Variants in FSIP2 observed in about 807,000 individuals in gnomAD.
FSIP2 encodes fibrous sheath interacting protein 2.
A neutral mutation model predicts 510.5 loss-of-function variants in FSIP2; 367 were observed. That is an observed-to-expected ratio of 0.72 (90% CI 0.66 to 0.78). FSIP2 has a LOEUF of 0.78. FSIP2 is among the 30% of genes least tolerant of loss of function. The probability of loss-of-function intolerance (pLI) is 0.00; values close to 1 mark genes in which losing one functional copy is unlikely to be tolerated. For synonymous variants in FSIP2, 2,601 were observed against 2,732.2 expected, an observed-to-expected ratio of 0.95 and a Z score of 1.50; for missense variants, 7,594 against 7,901.7, an observed-to-expected ratio of 0.96 and a Z score of 1.48.
Position 185,796,410 on chromosome 2 carries a change from G to T in FSIP2, c.9274G>T (p.Val3092Leu). ...TAATATCATCAGTGACATGCTTGCT[G>T]TAATTAAGAACAAGCTAGACAACGA... ...AVNIISDMLA[V>L]IKNKLDNEIS... is the part of the protein sequence containing the mutation. Residue 3092 changes from valine (V) to leucine (L), a missense_variant, in exon 16 of 23, where the codon GTA becomes TTA. Transcript: ENST00000424728. The T allele has an allele frequency of 6.5e-7, 1 of 1,533,780 alleles. No individual in the cohort carries two copies. Among genetic ancestry groups the T allele is most frequent in the South Asian group, 1.2e-5 (1 of 83,944 alleles).
rs1017484100 is a variant in FSIP2, at chr2:185,789,247, CTG to C, written c.2112_2113del (p.Glu705SerfsTer13). 10 of 1,534,354 alleles carry C rather than the reference CTG, an allele frequency of 6.5e-6. No individual in the cohort carries two copies. The African/African-American group carries it at 8.2e-5, about 13-fold the overall frequency. ...TTTAAATGTTACTTGAAAGGGGAAA[CTG>C]AAGTGATTTTAGAAAGCATTTTGCG... is the stretch of plus-strand genomic sequence containing the variant. On this transcript the variant is annotated frameshift_variant, in exon 16 of 23. Transcript: ENST00000424728. LOFTEE classifies it high-confidence loss of function.
At position 185,796,715 on chromosome 2, in the gene FSIP2, T is replaced by C; in HGVS notation, c.9579T>C (p.Asp3193=). The C allele has an allele frequency of 6.5e-7, 1 of 1,535,114 alleles. No homozygotes were observed. Among genetic ancestry groups the C allele is most frequent in the Non-Finnish European group, 8.7e-7 (1 of 1,146,258 alleles). Residue 3193 remains aspartate, a synonymous_variant, in exon 16 of 23, where the codon GAT becomes GAC. Coordinates refer to ENST00000424728, the MANE Select transcript of FSIP2 (RefSeq NM_173651.4). ...VSKTGFVFCS[D]EDMKEKYRVS... ...AAACTGGGTTTGTGTTTTGTTCAGA[T>C]GAAGATATGAAAGAAAAGTACAGGG...
In FSIP2 at chr2:185,807,932, T is replaced by C. The variant is rs372823647; in HGVS notation, c.18626T>C (p.Met6209Thr). 2.0e-5 allele frequency: 32 copies of C among 1,604,072 alleles called. No homozygotes were observed. The African/African-American group carries it at 2.7e-4, about 14-fold the overall frequency. ...AGAACAAAATCTCTAGAGACTGATA[T>C]GCAAAAAATAACTTCAAAAGTACTA... ...KERTKSLETD[M>T]QKITSKVLNS... The change falls in exon 17 of 23, where the codon ATG (methionine) becomes ACG (threonine). Residue 6209 changes from methionine to threonine, a missense_variant. Transcript: ENST00000424728.
At position 185,738,952 on chromosome 2, in the gene FSIP2, G is replaced by A; in HGVS notation, c.58G>A (p.Val20Ile). ...KPAKVAVTKT[V>I]ASVLAADTQQ... ...TGCCAAAGTCGCCGTCACCAAGACGGTCGCCAGCGTCCTGGCCGCGGACAC... is the reference window on the plus strand; with the variant it reads ...TGCCAAAGTCGCCGTCACCAAGACGATCGCCAGCGTCCTGGCCGCGGACAC... The change falls in exon 1 of 23, where the codon GTC becomes ATC. Residue 20 changes from valine (V) to isoleucine (I), a missense_variant. Coordinates refer to ENST00000424728, the MANE Select transcript of FSIP2 (RefSeq NM_173651.4). The A allele has an allele frequency of 6.5e-7, 1 of 1,534,064 alleles. No individual in the cohort carries two copies.
At chr2:185,744,433 G>T in intron 4 of FSIP2, 22 bp downstream of exon 4, 1 of 652,016 alleles carries the variant, frequency 1.5e-6, no homozygotes, top group Non-Finnish European at 2.3e-6. Context: ...ACTTAAATTT[G>T]GTTTATTTAC....
At chr2:185,824,686 G>T (rs1023086060) in intron 20 of FSIP2, among the ~76,000 whole-genome samples, 5 of 151,668 alleles carry the variant, frequency 3.3e-5, no homozygotes, top group African/African-American at 4.8e-5. Context: ...TTTCATCACT[G>T]ATTGTGGTAT....
chr2:185,768,752 T>C (rs763818252), intron 13 of FSIP2, among the ~76,000 whole-genome samples: 30 of 152,020 alleles, frequency 2.0e-4, no homozygotes, highest in Non-Finnish European at 3.8e-4. Flanking sequence ...ATACTAGTAC[T>C]CAATCATTAT....
rs1452750419 is a variant in FSIP2, at chr2:185,796,352, T to A, written c.9216T>A (p.His3072Gln). 8 of 1,533,954 alleles carry A rather than the reference T, an allele frequency of 5.2e-6. No individual in the cohort carries two copies. The highest frequency in any genetic ancestry group is 7.0e-6 in the Non-Finnish European group (8 of 1,145,338). The change falls in exon 16 of 23, where the codon CAT becomes CAA. Residue 3072 changes from histidine (H) to glutamine (Q), a missense_variant. By Grantham distance (24) the His-to-Gln change is conservative (BLOSUM62 0). Transcript: ENST00000424728. ...ENIQNILLRV[H>Q]SFHSQLLTYA... Reference sequence around the variant, plus strand: ...TACAGAATATCCTTCTACGGGTTCATTCATTCCATTCACAATTACTTACAT... The same window carrying A: ...TACAGAATATCCTTCTACGGGTTCAATCATTCCATTCACAATTACTTACAT...
Position 185,808,338 on chromosome 2 carries a change from T to C in FSIP2, c.19032T>C (p.Asp6344=), listed in dbSNP as rs200393690. 2.9e-4 allele frequency: 460 copies of C among 1,610,846 alleles called. No homozygotes were observed. The highest frequency in any genetic ancestry group is 6.6e-4 in the Middle Eastern group (4 of 6,056). Residue 6344 remains aspartate (D), a synonymous_variant, in exon 17 of 23, where the codon GAT becomes GAC. Transcript: ENST00000424728. ...KSSSRKGLTL[D]AKLLEEVLAL... The stretch of plus-strand genomic sequence containing the variant: ...CATCCAGAAAAGGTTTGACATTAGA[T>C]GCCAAACTTTTAGAAGAGGTGTTGG...
At position 185,739,406 on chromosome 2, in the gene FSIP2, G is replaced by C. The variant is rs563690900; in HGVS notation, c.160G>C (p.Gly54Arg). The C allele has an allele frequency of 1.3e-6, 2 of 1,535,154 alleles. No homozygotes were observed. The highest frequency in any genetic ancestry group is 1.7e-6 in the Non-Finnish European group (2 of 1,146,510). ...GPAQLLDLPL[G>R]VKLPVIPGSN... ...GGCTCAGCTACTGGACCTACCTCTC[G>C]GGGTCAAGCTGCCTGTGATCCCAGG... The change falls in exon 2 of 23, where the codon GGG becomes CGG. Residue 54 changes from glycine to arginine, a missense_variant. Physicochemically the swap from Gly to Arg is moderately radical, Grantham distance 125. Coordinates refer to ENST00000424728, the MANE Select transcript of FSIP2 (RefSeq NM_173651.4).
At position 185,797,246 on chromosome 2, in the gene FSIP2, A is replaced by G. The variant is rs980830004; in HGVS notation, c.10110A>G (p.Val3370=). Residue 3370 remains valine (V), a synonymous_variant, in exon 16 of 23, where the codon GTA becomes GTG. Coordinates refer to ENST00000424728, the MANE Select transcript of FSIP2 (RefSeq NM_173651.4). ...CAAAACAAAGCTCTTTATCTGAAGT[A>G]TCTGGAGGGCAAAAGGATAACGAAA... ...FISKQSSLSE[V]SGGQKDNEKS... 30 of 1,534,896 alleles carry G rather than the reference A, an allele frequency of 2.0e-5. No homozygotes were observed. The Admixed American group carries it at 5.1e-4, about 26-fold the overall frequency.
rs757529467 is a variant in FSIP2 at position 185,805,578 on chromosome 2, A to T, written c.16272A>T (p.Gln5424His). Residue 5424 changes from glutamine to histidine, a missense_variant, in exon 17 of 23, where the codon CAA becomes CAT. Transcript: ENST00000424728. Reference protein sequence around the residue: ...NITQRVQHLPQNTFTQISRCA... With the variant: ...NITQRVQHLPHNTFTQISRCA... ...CCCAAAGGGTTCAACACCTACCACAAAACACCTTTACACAAATAAGCAGAT... is the reference window on the plus strand; with the variant it reads ...CCCAAAGGGTTCAACACCTACCACATAACACCTTTACACAAATAAGCAGAT... The T allele has an allele frequency of 5.6e-6, 9 of 1,610,140 alleles. No homozygotes were observed. The highest frequency in any genetic ancestry group is 7.6e-6 in the Non-Finnish European group (9 of 1,178,136).
At chr2:185,752,355 T>G (rs1692165821) in intron 7 of FSIP2, among the ~76,000 whole-genome samples, 1 of 151,298 alleles carries the variant, frequency 6.6e-6, no homozygotes, top group East Asian at 1.9e-4. Flanking sequence ...AACTTTAAAA[T>G]TTTTCTTTTT....
At chr2:185,758,172 G>T (rs1211517834) in intron 9 of FSIP2, among the ~76,000 whole-genome samples, 1 of 151,136 alleles carries the variant, frequency 6.6e-6, no homozygotes, top group Non-Finnish European at 1.5e-5. Flanking sequence ...TCAATAGTTT[G>T]TTCCTTTCCA....
intron 13 of FSIP2, among the ~76,000 whole-genome samples, chr2:185,780,539 C>G (rs1398278363): frequency 6.6e-6 from 1 of 151,238 alleles, no homozygotes; most frequent in African/African-American, 2.4e-5. Flanking sequence ...CTTATAGGCT[C>G]TTTTTCTATT....
Position 185,815,430 on chromosome 2 carries a change from T to A in FSIP2, c.20385T>A (p.Ser6795Arg), listed in dbSNP as rs543497395. 1.4e-4 allele frequency: 208 copies of A among 1,521,250 alleles called. 2 individuals are homozygous for A. The South Asian group carries it at 2.4e-3, about 17-fold the overall frequency. 94.2% of individuals were successfully genotyped at this position (1,521,250 alleles called of 1,614,324 possible). A position where few individuals can be genotyped will look rare whatever the true frequency, so the allele number is the denominator to read the frequency against. Residue 6795 changes from serine to arginine, a missense_variant, in exon 19 of 23, where the codon AGT becomes AGA. Transcript: ENST00000424728. ...ATTACTTCATACACAGAATTATGAG[T>A]TCATCTTCATACAACCAAGAAGATC... Reference protein sequence around the residue: ...PTHYFIHRIMSSSSYNQEDLI... With the variant: ...PTHYFIHRIMRSSSYNQEDLI...
chr2:185,826,528 C>T (rs925073256), intron 20 of FSIP2, among the ~76,000 whole-genome samples: 8 of 151,808 alleles, frequency 5.3e-5, no homozygotes, highest in Admixed American at 6.6e-5. Flanking sequence ...TCACTGGCCA[C>T]ACTCTGAAGT....
intron 13 of FSIP2, among the ~76,000 whole-genome samples, chr2:185,768,431 T>A (rs1222029604): frequency 1.3e-5 from 2 of 152,126 alleles, no homozygotes; most frequent in African/African-American, 4.8e-5. Context: ...TTTTGTTATT[T>A]TTTGTATATG....
chr2:185,739,035 G>A (rs374831951), intron 1 of FSIP2, 42 bp downstream of exon 1: 10 of 1,515,456 alleles, frequency 6.6e-6, no homozygotes, highest in Middle Eastern at 2.3e-4. Context: ...TCTGGCGGCC[G>A]CAGGCCTGCT....
Sources: allele counts gnomAD v4.1 joint callset (sites outside exome capture counted in the v4.1 genomes callset), GRCh38; gene constraint gnomAD v4.1.1; transcripts MANE v1.5; gene names NCBI Gene and HGNC (gene_info 2026-07-23, HGNC 2026-07-21).